ARID4A: variants seen among roughly 807,000 people sequenced by gnomAD.
ARID4A encodes the protein AT-rich interaction domain 4A.
In ARID4A, 39 loss-of-function variants were observed where a neutral mutation model predicts 148.6. That is an observed-to-expected ratio of 0.26 (90% CI 0.20 to 0.34). The LOEUF is 0.34. Ranked by LOEUF, ARID4A falls within the 10% of genes least tolerant of loss-of-function variation. The probability of loss-of-function intolerance (pLI) is 1.00; values close to 1 mark genes in which losing one functional copy is unlikely to be tolerated. For missense variants in ARID4A, 1,265 were observed against 1,449.1 expected (o/e 0.87, Z 2.06); for synonymous variants, 475 against 481.2 (o/e 0.99, Z 0.17).
chr14:58,344,699 A>G lies in ARID4A; in HGVS notation c.911A>G (p.Glu304Gly). 6.2e-7 allele frequency: 1 copy of G among 1,609,512 alleles called. No individual in the cohort carries two copies. The highest frequency in any genetic ancestry group is 8.5e-7 in the Non-Finnish European group (1 of 1,176,648). ...TTATATATTTTATCTTTACAGCCTGAGGAAGAACTTGATCCTGAAGAGAGG... is the reference window on the plus strand; with the variant it reads ...TTATATATTTTATCTTTACAGCCTGGGGAAGAACTTGATCCTGAAGAGAGG... The part of the protein sequence containing the change: ...EAKKTEEEVP[E>G]EELDPEERDN... The change falls in exon 12 of 24, where the codon GAG becomes GGG. Residue 304 changes from glutamate to glycine, a missense_variant. Around this residue, in one of 9 missense-constraint regions of ARID4A, gnomAD observed 249 missense variants for 277.2 expected, o/e 0.90. Transcript: ENST00000355431.
chr14:58,332,314 G>A (rs1594911572), intron 11 of ARID4A, among the ~76,000 whole-genome samples: 1 of 152,046 alleles, frequency 6.6e-6, no homozygotes, highest in South Asian at 2.1e-4. Context: ...AAGTGAATCA[G>A]GATGCTTTTC....
At chr14:58,308,856 G>A (rs1407979362) in intron 5 of ARID4A, among the ~76,000 whole-genome samples, 1 of 152,128 alleles carries the variant, frequency 6.6e-6, no homozygotes, top group Non-Finnish European at 1.5e-5. Context: ...GGTTTCATGA[G>A]ATACCAGAAA....
rs201780431 is a variant in ARID4A, at chr14:58,353,811, C to T, written c.1809C>T (p.Asp603=). The T allele has an allele frequency of 8.5e-5, 137 of 1,613,660 alleles. 1 individual carries two copies. Among genetic ancestry groups the T allele is most frequent in the East Asian group, 2.2e-4 (10 of 44,834 alleles). Residue 603 remains aspartate (D), a synonymous_variant, in exon 17 of 24, where the codon GAC becomes GAT. Coordinates refer to ENST00000355431, the MANE Select transcript of ARID4A (RefSeq NM_002892.4). The part of the protein sequence containing the change: ...EASIKSTEID[D]GEVLYLVHYY... ...GTATTAAAAGCACTGAAATTGATGA[C>T]GGAGAAGTTTTATATTTGGTACATT...
intron 4 of ARID4A, among the ~76,000 whole-genome samples, chr14:58,305,244 T>C (rs2031511001): frequency 6.6e-6 from 1 of 152,126 alleles, no homozygotes; most frequent in Non-Finnish European, 1.5e-5. Context: ...TGTTAAGTTT[T>C]TCACCTACCT....
intron 5 of ARID4A, among the ~76,000 whole-genome samples, chr14:58,313,180 A>G (rs2032169673): frequency 6.6e-6 from 1 of 152,224 alleles, no homozygotes; most frequent in East Asian, 1.9e-4. Flanking sequence ...CCAATAAGAT[A>G]TAGATAGATG....
intron 5 of ARID4A, among the ~76,000 whole-genome samples, chr14:58,306,955 A>G (rs2031652403): frequency 6.6e-6 from 1 of 152,258 alleles, no homozygotes; most frequent in Admixed American, 6.5e-5. Flanking sequence ...CATTCCATGC[A>G]TAAGCTTATA....
chr14:58,320,251 T>A (rs2032782229), intron 7 of ARID4A, among the ~76,000 whole-genome samples: 1 of 152,036 alleles, frequency 6.6e-6, no homozygotes. Flanking sequence ...CGGCCTATAC[T>A]AATTATTTTT....
At chr14:58,358,402 G>T (rs1298630232) in intron 17 of ARID4A, among the ~76,000 whole-genome samples, 1 of 152,120 alleles carries the variant, frequency 6.6e-6, no homozygotes, top group Non-Finnish European at 1.5e-5. Flanking sequence ...AGGAGGCAGA[G>T]GTTCCATTGA....
intron 12 of ARID4A, among the ~76,000 whole-genome samples, chr14:58,345,505 T>C (rs2034315436): frequency 6.6e-6 from 1 of 152,114 alleles, no homozygotes; most frequent in Admixed American, 6.5e-5. Flanking sequence ...ATTTCTAATA[T>C]AGGTAGAATA....
In ARID4A at chr14:58,372,107, C is replaced by T. The variant is rs2035639974; in HGVS notation, c.*118C>T. 10 of 685,598 alleles carry T rather than the reference C, an allele frequency of 1.5e-5. No individual in the cohort carries two copies. Among genetic ancestry groups the T allele is most frequent in the Admixed American group, 8.0e-5 (3 of 37,602 alleles). 42.5% of individuals were successfully genotyped at this position (685,598 alleles called of 1,614,324 possible). A position where few individuals can be genotyped will look rare whatever the true frequency, so the allele number is the denominator to read the frequency against. On this transcript the variant is annotated 3_prime_UTR_variant, in exon 24 of 24. Coordinates refer to ENST00000355431, the MANE Select transcript of ARID4A (RefSeq NM_002892.4). ...GACATTGCTAAGTATATCCTGTATA[C>T]TTTTCCAGGCTGGATTGTATCTATT...
chr14:58,364,786 T>G lies in ARID4A; in HGVS notation c.2697T>G (p.Asn899Lys). Reference sequence around the variant, plus strand: ...GATCTGAGGGAATGAAAAACTTAAATTTTGAACAGCACTTTGAAAGAGAAA... The same window carrying G: ...GATCTGAGGGAATGAAAAACTTAAAGTTTGAACAGCACTTTGAAAGAGAAA... ...CIGSEGMKNL[N>K]FEQHFERENE... The change falls in exon 20 of 24, where the codon AAT (asparagine) becomes AAG (lysine). Residue 899 changes from asparagine (N) to lysine (K), a missense_variant. Around this residue, in one of 9 missense-constraint regions of ARID4A, gnomAD observed 666 missense variants for 730.9 expected, o/e 0.91. Transcript: ENST00000355431. 1 of 1,614,100 alleles carries G rather than the reference T, an allele frequency of 6.2e-7. No homozygotes were observed. The highest frequency in any genetic ancestry group is 8.5e-7 in the Non-Finnish European group (1 of 1,179,994).
chr14:58,320,073 G>C (rs538508294), intron 7 of ARID4A, among the ~76,000 whole-genome samples: 5 of 147,884 alleles, frequency 3.4e-5, no homozygotes, highest in Admixed American at 6.9e-5. Context: ...TCAGCCTCCC[G>C]AGTAGTCAGA....
chr14:58,306,236 A>G (rs575829324), intron 5 of ARID4A, 124 bp downstream of exon 5: 3 of 646,796 alleles, frequency 4.6e-6, no homozygotes, highest in South Asian at 5.0e-5. Context: ...TTTACTGGAT[A>G]TAGCTGACTA....
intron 5 of ARID4A, among the ~76,000 whole-genome samples, chr14:58,311,576 C>G (rs1445293224): frequency 6.6e-6 from 1 of 152,186 alleles, no homozygotes; most frequent in Non-Finnish European, 1.5e-5. Context: ...ATCCAGCAAT[C>G]CCACTCCTGG....
At position 58,366,188 on chromosome 14, in the gene ARID4A, C is replaced by T. The variant is rs1400796145; in HGVS notation, c.3481C>T (p.Pro1161Ser). ...GAAAGATAAACACAGAGAAAAACAT[C>T]CGAATTCATCCCCTAGGACATATAA... ...GEKDKHREKHPNSSPRTYKWS... is the reference protein window; with the variant it reads ...GEKDKHREKHSNSSPRTYKWS... Residue 1161 changes from proline (P) to serine (S), a missense_variant, in exon 22 of 24, where the codon CCG (proline) becomes TCG (serine). Around this residue, in one of 9 missense-constraint regions of ARID4A, gnomAD observed 666 missense variants for 730.9 expected, o/e 0.91. Transcript: ENST00000355431. The T allele has an allele frequency of 6.2e-7, 1 of 1,613,680 alleles. No homozygotes were observed. Among genetic ancestry groups the T allele is most frequent in the African/African-American group, 1.3e-5 (1 of 74,886 alleles).
chr14:58,351,005 G>T, intron 15 of ARID4A, 68 bp from the exon 16 acceptor site: 3 of 1,469,562 alleles, frequency 2.0e-6, no homozygotes, highest in Middle Eastern at 2.6e-4. Context: ...TAAAGGAAAA[G>T]ATATTTTTTC....
In ARID4A at chr14:58,372,430, G is replaced by A. The variant is rs1221474906; in HGVS notation, c.*441G>A. ...TTGGTGAGTAGGGGGTTTATGTTGT[G>A]TTTTTTTTCATTATCGTTTTTTTTA... On this transcript the variant is annotated 3_prime_UTR_variant, in exon 24 of 24. Coordinates refer to ENST00000355431, the MANE Select transcript of ARID4A (RefSeq NM_002892.4). The A allele has an allele frequency of 1.3e-5, 3 of 230,204 alleles. No homozygotes were observed. The highest frequency in any genetic ancestry group is 1.7e-5 in the Non-Finnish European group (2 of 116,562). 14.3% of individuals were successfully genotyped at this position (230,204 alleles called of 1,614,324 possible). A position where few individuals can be genotyped will look rare whatever the true frequency, so the allele number is the denominator to read the frequency against.
chr14:58,329,940 C>T, intron 10 of ARID4A, 63 bp from the exon 11 acceptor site: 1 of 1,530,492 alleles, frequency 6.5e-7, no homozygotes, highest in Non-Finnish European at 8.7e-7. Flanking sequence ...GAATGCCATG[C>T]CTTTTCTATT....
Position 58,306,108 on chromosome 14 carries a change from C to G in ARID4A, c.270C>G (p.Thr90=), listed in dbSNP as rs772489797. 24 of 1,609,088 alleles carry G rather than the reference C, an allele frequency of 1.5e-5. No homozygotes were observed. Among genetic ancestry groups the G allele is most frequent in the Non-Finnish European group, 1.9e-5 (22 of 1,176,086 alleles). ...AGTTGACAGATGCTAGTTGGTATAC[C>G]GTGGGTAAGTAATTAAGTAATTTAA... ...ISKLTDASWY[T]VVFDDGDERT... Residue 90 remains threonine, a synonymous_variant, in exon 5 of 24, where the codon ACC becomes ACG. Transcript: ENST00000355431.
Sources: allele counts gnomAD v4.1 joint callset (sites outside exome capture counted in the v4.1 genomes callset), GRCh38; gene constraint gnomAD v4.1.1; regional missense constraint gnomAD v4.1.1; transcripts MANE v1.5; gene names NCBI Gene and HGNC (gene_info 2026-07-23, HGNC 2026-07-21).